The following NEB variants were observed in gnomAD, a reference collection of about 807,000 sequenced individuals.
NEB encodes nebulin.
NEB carries 512 observed loss-of-function variants against 952.2 expected under a neutral mutation model. The ratio of observed to expected loss-of-function variants is 0.54; its 90% CI spans 0.50 to 0.58. The LOEUF (loss-of-function observed/expected upper bound fraction) is 0.58, where lower values mean the gene tolerates loss of function less well. Ranked by LOEUF, NEB falls within the 20% of genes least tolerant of loss-of-function variation. NEB has a pLI of 0.00. For synonymous variants in NEB, 2,900 were observed against 3,149.8 expected, an observed-to-expected ratio of 0.92 and a Z score of 2.66; for missense variants, 8,428 against 9,231.1, an observed-to-expected ratio of 0.91 and a Z score of 3.56.
intron 70 of NEB, among the ~76,000 whole-genome samples, chr2:151,626,506 C>T (rs2098527786): frequency 4.0e-5 from 6 of 151,880 alleles, no homozygotes; most frequent in Admixed American, 3.9e-4. Context: ...CTCTTATAGA[C>T]TTCAAACAAT....
In NEB at chr2:151,546,148, T is replaced by C; in HGVS notation, c.20467-150A>G. 4 of 717,404 alleles carry C rather than the reference T, an allele frequency of 5.6e-6. No individual in the cohort carries two copies. The South Asian group carries it at 7.5e-5, about 14-fold the overall frequency. The allele number at this position is 717,404 out of a possible 1,614,324, so 44.4% of individuals were successfully genotyped here. On this transcript the variant is annotated intron_variant, in intron 134 of 181. Coordinates refer to ENST00000397345, the MANE Select transcript of NEB (RefSeq NM_001164508.2). ...TCCCAGGCAGGAGCAAAAACAATTG[T>C]CATTTAACTAAGCTCAGCACCTTTC...
rs1574818802 is a variant in NEB, at chr2:151,640,571, C to T, written c.8469G>A (p.Val2823=). 1.9e-6 allele frequency: 3 copies of T among 1,613,880 alleles called. No homozygotes were observed. Among genetic ancestry groups the T allele is most frequent in the South Asian group, 1.1e-5 (1 of 91,076 alleles). Residue 2823 remains valine, a synonymous_variant, in exon 61 of 182, where the codon GTG becomes GTA. Transcript: ENST00000397345. ...DDPKMMWSMH[V]AKIQSDREYK... ...ACTCCCTGTCACTCTGGATCTTGGCCACGTGCATGGACCACATCATCTTGG... is the reference window on the plus strand; with the variant it reads ...ACTCCCTGTCACTCTGGATCTTGGCTACGTGCATGGACCACATCATCTTGG...
chr2:151,569,940 C>T, intron 109 of NEB, 141 bp downstream of exon 109: 1 of 833,996 alleles, frequency 1.2e-6, no homozygotes, highest in Non-Finnish European at 1.8e-6. Context: ...GATTTTGATA[C>T]CATACTATAA....
chr2:151,632,557 A>T (rs1297313262), intron 65 of NEB, among the ~76,000 whole-genome samples: 1 of 151,800 alleles, frequency 6.6e-6, no homozygotes, highest in Non-Finnish European at 1.5e-5. Flanking sequence ...GCAGCCTGTA[A>T]TTCCAGCTGC....
At chr2:151,729,731 C>T in intron 3 of NEB, 75 bp from the exon 4 acceptor site, 1 of 1,429,692 alleles carries the variant, frequency 7.0e-7, no homozygotes, top group Non-Finnish European at 9.9e-7. Context: ...AGCTGAACCA[C>T]TTAGGTGACT....
chr2:151,704,606 G>A (rs1302892721), intron 13 of NEB, among the ~76,000 whole-genome samples: 1 of 152,222 alleles, frequency 6.6e-6, no homozygotes, highest in African/African-American at 2.4e-5. Flanking sequence ...ATATTCGGGA[G>A]GGAGTGACCC....
Position 151,642,804 on chromosome 2 carries a change from T to C in NEB, c.8226A>G (p.Glu2742=), listed in dbSNP as rs1344421445. The C allele has an allele frequency of 2.5e-6, 4 of 1,612,936 alleles. No individual in the cohort carries two copies. The change falls in exon 59 of 182, where the codon GAA becomes GAG. Residue 2742 remains glutamate (E), a synonymous_variant. Transcript: ENST00000397345. ...TTVHIMPDTP[E]VLLAKQNKVN... is the part of the protein sequence containing the mutation. ...CTTTGTTTTGTTTAGCTAATAAAAC[T>C]TCAGGGGTATCTGGCATAATGTGGA...
At chr2:151,486,891 G>A (rs955492186) in intron 181 of NEB, 98 of 151,510 alleles carry the variant, frequency 6.5e-4, no homozygotes, top group African/African-American at 2.3e-3. Flanking sequence ...ACCAGCATTT[G>A]TTTGTTTGTT....
Position 151,506,205 on chromosome 2 carries a change from C to G in NEB, c.23610G>C (p.Glu7870Asp), listed in dbSNP as rs1046111595. Reference protein sequence around the residue: ...SPGTAIGKTPEMMRVKQTQDH... With the variant: ...SPGTAIGKTPDMMRVKQTQDH... The stretch of plus-strand genomic sequence containing the variant: ...CCTGTGTTTGTTTCACTCTCATCAT[C>G]TCAGGTGTCTTTCCGATAGCCGTTC... Residue 7870 changes from glutamate (E) to aspartate (D), a missense_variant, in exon 164 of 182, where the codon GAG becomes GAC. Coordinates refer to ENST00000397345, the MANE Select transcript of NEB (RefSeq NM_001164508.2). The G allele has an allele frequency of 1.2e-6, 2 of 1,613,768 alleles. No homozygotes were observed. The highest frequency in any genetic ancestry group is 1.7e-5 in the Admixed American group (1 of 60,032).
At chr2:151,628,903 AAAG>A (rs34182658) in intron 68 of NEB, among the ~76,000 whole-genome samples, 75,517 of 150,690 alleles carry the variant, frequency 0.5, 21,338 homozygotes, top group Admixed American at 0.65. Flanking sequence ...AAACAAAAGA[AAAG>A]AAGAAGAAGA....
chr2:151,655,697 TG>T, intron 50 of NEB, 119 bp downstream of exon 50: 1 of 1,038,972 alleles, frequency 9.6e-7, no homozygotes, highest in Admixed American at 2.2e-5. Flanking sequence ...GGGAATGATC[TG>T]GAATGGTTTG....
chr2:151,727,527 T>C (rs562276740), intron 5 of NEB, among the ~76,000 whole-genome samples, 164 bp downstream of exon 5: 39 of 152,282 alleles, frequency 2.6e-4, no homozygotes, highest in African/African-American at 8.9e-4. Flanking sequence ...ATGAATTACA[T>C]AAAAGGAAAA....
Position 151,665,745 on chromosome 2 carries a change from C to G in NEB, c.5032-206G>C, listed in dbSNP as rs148330973. On this transcript the variant is annotated intron_variant, in intron 41 of 181. Transcript: ENST00000397345. ...TTTTGAACAGGAAATCCTGACCCAG[C>G]AATTCCTTTAACAAGTTAACTTTCT... Among the ~76,000 whole-genome samples, 193 of 152,164 alleles carry G rather than the reference C, an allele frequency of 1.3e-3. 1 individual carries two copies. Among genetic ancestry groups the G allele is most frequent in the African/African-American group, 4.5e-3 (188 of 41,502 alleles).
chr2:151,565,414 C>CA, intron 116 of NEB, 87 bp downstream of exon 116: 1 of 974,750 alleles, frequency 1.0e-6, no homozygotes, highest in Non-Finnish European at 1.6e-6. Flanking sequence ...TTTTTACAAG[C>CA]AATTATCTAA....
Position 151,698,582 on chromosome 2 carries a change from T to G in NEB, c.1153-934A>C, listed in dbSNP as rs564295966. On this transcript the variant is annotated intron_variant, in intron 13 of 181. Transcript: ENST00000397345. ...TGATCTTTTCTTTCTGATTTCTCTC[T>G]TAGCATGTTTTCAAGCTTCATCCTT... Among the ~76,000 whole-genome samples, 178 of 152,118 alleles carry G rather than the reference T, an allele frequency of 1.2e-3. 1 individual carries two copies. Among genetic ancestry groups the G allele is most frequent in the African/African-American group, 3.5e-3 (146 of 41,522 alleles).
chr2:151,722,165 T>C (rs76504462), intron 9 of NEB, among the ~76,000 whole-genome samples: 1,760 of 152,306 alleles, frequency 0.012, 33 homozygotes, highest in African/African-American at 0.04. Context: ...GTTCCAGGGA[T>C]CTAACTGACA....
chr2:151,513,716 A>G, intron 159 of NEB, 23 bp from the exon 160 acceptor site: 1 of 1,508,232 alleles, frequency 6.6e-7, no homozygotes, highest in Non-Finnish European at 9.1e-7. Context: ...TAAAAGAAAA[A>G]AAAAAGGTAC....
rs1169827390 is a variant in NEB, at chr2:151,627,101, A to T, written c.10248T>A (p.Asp3416Glu). The T allele has an allele frequency of 6.2e-7, 1 of 1,613,954 alleles. No individual in the cohort carries two copies. The highest frequency in any genetic ancestry group is 8.5e-7 in the Non-Finnish European group (1 of 1,179,860). ...TGTCCGGAGGCTGGCGGTAGATGTT[A>T]TCACTCAGTATTTCAGCAGCTCTCT... ...KCKRAAEILS[D>E]NIYRQPPDKL... Residue 3416 changes from aspartate (D) to glutamate (E), a missense_variant, in exon 70 of 182, where the codon GAT becomes GAA. Physicochemically the swap from Asp to Glu is conservative, Grantham distance 45. Transcript: ENST00000397345.
intron 36 of NEB, among the ~76,000 whole-genome samples, chr2:151,674,166 G>A (rs2099336435): frequency 6.6e-6 from 1 of 151,980 alleles, no homozygotes; most frequent in Non-Finnish European, 1.5e-5. Context: ...ATTTAATGTG[G>A]TAATGTCAGT....
Sources: gnomAD v4.1 joint callset for allele counts (sites outside exome capture counted in the v4.1 genomes callset) on GRCh38, gnomAD v4.1.1 for gene constraint, MANE v1.5 for transcripts, NCBI Gene and HGNC (gene_info 2026-07-23, HGNC 2026-07-21) for gene names.